The following FAM167A variants were observed in gnomAD, a reference collection of about 807,000 sequenced individuals.
The protein encoded by FAM167A is protein FAM167A.
Under a neutral mutation model 14.9 loss-of-function variants are expected in FAM167A, and 23 were observed. The ratio of observed to expected loss-of-function variants is 1.55; its 90% CI spans 1.11 to 2.19. The LOEUF is 2.19. Ranked by LOEUF, FAM167A falls within the 30% of genes most tolerant of loss-of-function variation. The pLI is 0.00. For synonymous variants in FAM167A, 174 were observed against 117.7 expected, an observed-to-expected ratio of 1.48 and a Z score of -3.10; for missense variants, 401 against 281.5, an observed-to-expected ratio of 1.42 and a Z score of -3.04.
intron 2 of FAM167A, among the ~76,000 whole-genome samples, chr8:11,443,229 G>T (rs1005871516): frequency 3.3e-5 from 5 of 152,182 alleles, no homozygotes; most frequent in Non-Finnish European, 7.4e-5. Flanking sequence ...CCCCTGGGGG[G>T]GTGGAAGGGG....
At chr8:11,443,954 C>CAGAG in intron 2 of FAM167A, 77 bp downstream of exon 2, 1 of 1,511,852 alleles carries the variant, frequency 6.6e-7, no homozygotes, top group Non-Finnish European at 8.9e-7. Flanking sequence ...GGGAGACAGA[C>CAGAG]AGAGAGAGAC....
chr8:11,431,731 G>A (rs1187843485), intron 2 of FAM167A, among the ~76,000 whole-genome samples: 2 of 151,730 alleles, frequency 1.3e-5, no homozygotes, highest in Non-Finnish European at 2.9e-5. Context: ...GGGAATGGGG[G>A]CCCAGCCTGG....
intron 1 of FAM167A, among the ~76,000 whole-genome samples, chr8:11,460,255 C>T (rs961005217): frequency 6.6e-6 from 1 of 152,256 alleles, no homozygotes; most frequent in Non-Finnish European, 1.5e-5. Flanking sequence ...GGGGTCCCAG[C>T]ATTGCCGATG....
intron 2 of FAM167A, among the ~76,000 whole-genome samples, chr8:11,441,742 G>A (rs1332454987): frequency 6.6e-6 from 1 of 152,218 alleles, no homozygotes; most frequent in Non-Finnish European, 1.5e-5. Flanking sequence ...TGGACACAGT[G>A]AGGGCAATCA....
At position 11,448,126 on chromosome 8, in the gene FAM167A, A is replaced by T. The variant is rs35433745; in HGVS notation, c.-397-3318T>A. 2.6e-5 allele frequency among the ~76,000 whole-genome samples: 4 copies of T among 151,366 alleles called. 1 individual carries two copies. Among genetic ancestry groups the T allele is most frequent in the African/African-American group, 9.7e-5 (4 of 41,098 alleles). ...GGAGAATCGCTTGAAACCAGGAGGC[A>T]GAGGTTGCAGTGAGCCAAGATCGCA... On this transcript the variant is annotated intron_variant, in intron 1 of 2. Transcript: ENST00000284486.
Position 11,431,298 on chromosome 8 carries a change from C to T in FAM167A, c.382-6662G>A, listed in dbSNP as rs149248683. Reference sequence around the variant, plus strand: ...AGTGAATTAGCCAGACACTAAAGGCCAAATACCGTAGGATTCCACTTAGAA... The same window carrying T: ...AGTGAATTAGCCAGACACTAAAGGCTAAATACCGTAGGATTCCACTTAGAA... On this transcript the variant is annotated intron_variant, in intron 2 of 2. Coordinates refer to ENST00000284486, the MANE Select transcript of FAM167A (RefSeq NM_053279.3). Among the ~76,000 whole-genome samples the T allele has an allele frequency of 1.3e-3, 197 of 152,320 alleles. 1 individual carries two copies. Among genetic ancestry groups the T allele is most frequent in the African/African-American group, 4.7e-3 (194 of 41,566 alleles).
rs905006745 is a variant in FAM167A, at chr8:11,444,689, G to A, written c.-278C>T. ...ACAGAAGGCAGGAACAGACAGCGTCGCAGGAATCTCGGGGCAGCCTGTGCC... is the reference window on the plus strand; with the variant it reads ...ACAGAAGGCAGGAACAGACAGCGTCACAGGAATCTCGGGGCAGCCTGTGCC... On this transcript the variant is annotated 5_prime_UTR_variant, in exon 2 of 3. Coordinates refer to ENST00000284486, the MANE Select transcript of FAM167A (RefSeq NM_053279.3). 1.6e-5 allele frequency: 19 copies of A among 1,224,768 alleles called. No homozygotes were observed. The highest frequency in any genetic ancestry group is 6.1e-5 in the South Asian group (2 of 32,546). 75.9% of individuals were successfully genotyped at this position (1,224,768 alleles called of 1,614,324 possible). A position where few individuals can be genotyped will look rare whatever the true frequency, so the allele number is the denominator to read the frequency against.
upstream of FAM167A, chr8:11,467,719 C>T (rs1807829060): frequency 6.6e-6 from 1 of 152,442 alleles, no homozygotes; most frequent in Non-Finnish European, 1.5e-5. Context: ...TCTGTGGGGT[C>T]TTAGCCCCTG....
chr8:11,456,817 G>C (rs554563021), intron 1 of FAM167A, among the ~76,000 whole-genome samples: 1 of 149,984 alleles, frequency 6.7e-6, no homozygotes, highest in Admixed American at 6.7e-5. Context: ...GGCTGGGTTA[G>C]GGACGTGGGT....
At chr8:11,473,975 G>C (rs547955394) in intron 1 of FAM167A, among the ~76,000 whole-genome samples, 2 of 152,124 alleles carry the variant, frequency 1.3e-5, no homozygotes, top group Admixed American at 6.5e-5. Flanking sequence ...CTGGGTTCAA[G>C]CGATTTTCCT....
intron 1 of FAM167A, among the ~76,000 whole-genome samples, chr8:11,473,696 C>G (rs1373305319): frequency 6.6e-6 from 1 of 152,100 alleles, no homozygotes; most frequent in Non-Finnish European, 1.5e-5. Context: ...TGGGCAAATC[C>G]CTTAGTCTCT....
chr8:11,443,794 C>G (rs576467809), intron 2 of FAM167A: 2 of 532,856 alleles, frequency 3.8e-6, no homozygotes, highest in African/African-American at 3.8e-5. Flanking sequence ...CAGAAAACAC[C>G]TGCTTCCTTC....
At chr8:11,448,983 G>A (rs975288148) in intron 1 of FAM167A, among the ~76,000 whole-genome samples, 1 of 152,268 alleles carries the variant, frequency 6.6e-6, no homozygotes, top group South Asian at 2.1e-4. Context: ...ATAGGCGTGT[G>A]TGCAATGTGG....
intron 1 of FAM167A, among the ~76,000 whole-genome samples, chr8:11,465,491 A>G (rs985631251): frequency 6.6e-6 from 1 of 152,242 alleles, no homozygotes; most frequent in Admixed American, 6.5e-5. Flanking sequence ...TAAGTAGTGC[A>G]TGGTCCATAA....
intron 1 of FAM167A, among the ~76,000 whole-genome samples, chr8:11,472,986 G>T (rs7007575): frequency 0.1 from 15,623 of 152,232 alleles, 1,945 homozygotes; most frequent in African/African-American, 0.3. Context: ...TTGAGGCTGG[G>T]ATGAGAGCCA....
chr8:11,444,735 G>A lies in FAM167A; in HGVS notation c.-324C>T, dbSNP rs747506403. 206 of 1,081,386 alleles carry A rather than the reference G, an allele frequency of 1.9e-4. No homozygotes were observed. Among genetic ancestry groups the A allele is most frequent in the Non-Finnish European group, 2.2e-4 (197 of 891,738 alleles). The allele number at this position is 1,081,386 out of a possible 1,614,324, so 67.0% of individuals were successfully genotyped here. A position where few individuals can be genotyped will look rare whatever the true frequency, so the allele number is the denominator to read the frequency against. ...GTGCCAAGGTCTATCTGTCCTGAAC[G>A]CACTCGAAGACCAGACTGGCAGGAA... On this transcript the variant is annotated 5_prime_UTR_variant, in exon 2 of 3. Coordinates refer to ENST00000284486, the MANE Select transcript of FAM167A (RefSeq NM_053279.3).
chr8:11,450,002 C>T (rs1806960084), intron 1 of FAM167A, among the ~76,000 whole-genome samples: 2 of 152,240 alleles, frequency 1.3e-5, no homozygotes, highest in Admixed American at 6.5e-5. Context: ...CCTCTCACCA[C>T]GCGCTCCTGC....
At chr8:11,451,890 C>T (rs1807040596) in intron 1 of FAM167A, among the ~76,000 whole-genome samples, 1 of 152,202 alleles carries the variant, frequency 6.6e-6, no homozygotes, top group Non-Finnish European at 1.5e-5. Context: ...CTGGTCTTTA[C>T]CTCCTGCCAA....
upstream of FAM167A, among the ~76,000 whole-genome samples, chr8:11,469,907 A>C (rs2117170732): frequency 6.6e-6 from 1 of 151,316 alleles, no homozygotes; most frequent in Non-Finnish European, 1.5e-5. Context: ...TAAATAAATA[A>C]ATAAATAAAT....
Sources: allele counts gnomAD v4.1 joint callset (sites outside exome capture counted in the v4.1 genomes callset), GRCh38; gene constraint gnomAD v4.1.1; transcripts MANE v1.5; gene names NCBI Gene and HGNC (gene_info 2026-07-23, HGNC 2026-07-21).